Variants in COL24A1 observed in about 807,000 individuals in gnomAD.
COL24A1 encodes the protein collagen type XXIV alpha 1 chain, also known as collagen alpha-1(XXIV) chain.
In COL24A1, 224 loss-of-function variants were observed where a neutral mutation model predicts 253.9. The ratio of observed to expected loss-of-function variants is 0.88; its 90% confidence interval spans 0.79 to 0.99. The LOEUF is 0.99. Among genes scored for constraint, COL24A1 ranks in the 50% least tolerant of loss-of-function variants. The probability of loss-of-function intolerance (pLI) is 0.00; values close to 1 mark genes in which losing one functional copy is unlikely to be tolerated. For missense variants in COL24A1, 2,131 were observed against 2,068.5 expected, an observed-to-expected ratio of 1.03 and a Z score of -0.59; for synonymous variants, 685 against 673.7, an observed-to-expected ratio of 1.02 and a Z score of -0.26.
chr1:85,896,094 A>G, intron 29 of COL24A1, 29 bp from the exon 30 acceptor site: 1 of 1,606,064 alleles, frequency 6.2e-7, no homozygotes, highest in Non-Finnish European at 8.5e-7. Context: ...CAGGTGAGTT[A>G]GTAAGAATGT....
At chr1:85,787,399 T>C (rs750720568) in intron 47 of COL24A1, among the ~76,000 whole-genome samples, 1 of 152,088 alleles carries the variant, frequency 6.6e-6, no homozygotes, top group East Asian at 1.9e-4. Context: ...CCAGTGGGTG[T>C]TGTTCCCCTC....
chr1:85,842,278 G>A lies in COL24A1; in HGVS notation c.3516+62C>T, dbSNP rs1164554897. 53 of 1,358,588 alleles carry A rather than the reference G, an allele frequency of 3.9e-5. 1 individual carries two copies. The South Asian group carries it at 5.3e-4, about 14-fold the overall frequency. 84.2% of individuals were successfully genotyped at this position (1,358,588 alleles called of 1,614,324 possible). A position where few individuals can be genotyped will look rare whatever the true frequency, so the allele number is the denominator to read the frequency against. On this transcript the variant is annotated intron_variant, in intron 40 of 59. Transcript: ENST00000370571. ...GATTTCATCTTAATTTGAATATTTG[G>A]GATATCATCTTTAATAAAAATGTTT...
chr1:85,907,630 C>T (rs548697169), intron 27 of COL24A1, among the ~76,000 whole-genome samples: 18 of 151,852 alleles, frequency 1.2e-4, no homozygotes, highest in African/African-American at 4.1e-4. Flanking sequence ...TATTTCTTTA[C>T]TATTATTCTA....
intron 52 of COL24A1, among the ~76,000 whole-genome samples, chr1:85,778,792 T>C (rs981225174): frequency 1.3e-5 from 2 of 151,794 alleles, no homozygotes; most frequent in African/African-American, 4.8e-5. Flanking sequence ...TTAGTAGAGA[T>C]GAAGTTTCAC....
chr1:85,830,417 A>C (rs1675063288), intron 43 of COL24A1, among the ~76,000 whole-genome samples: 1 of 152,124 alleles, frequency 6.6e-6, no homozygotes, highest in Admixed American at 6.6e-5. Context: ...CTACAGAGGC[A>C]GGCAGGCCTC....
rs889743065 is a variant in COL24A1 at position 85,768,150 on chromosome 1, C to A, written c.4375-6584G>T. ...ATTTGAAGAGTATATGAAAGAATTT[C>A]CTAGGTTAAAAAAAGGCATATTCCT... On this transcript the variant is annotated intron_variant, in intron 53 of 59. Transcript: ENST00000370571. 3.3e-5 allele frequency among the ~76,000 whole-genome samples: 5 copies of A among 152,008 alleles called. No individual in the cohort carries two copies. The East Asian group carries it at 7.7e-4, about 24-fold the overall frequency.
At chr1:85,818,618 G>A (rs1038274661) in intron 45 of COL24A1, among the ~76,000 whole-genome samples, 6 of 152,108 alleles carry the variant, frequency 3.9e-5, no homozygotes, top group African/African-American at 1.2e-4. Flanking sequence ...TATTTCCCAC[G>A]GAACTGTTTG....
At chr1:86,024,555 T>A (rs1423297540) in intron 14 of COL24A1, among the ~76,000 whole-genome samples, 1 of 152,160 alleles carries the variant, frequency 6.6e-6, no homozygotes, top group Non-Finnish European at 1.5e-5. Context: ...ACAGCTAAGA[T>A]AAATTATTTC....
intron 35 of COL24A1, among the ~76,000 whole-genome samples, chr1:85,871,339 CTT>C (rs1680458417): frequency 6.6e-6 from 1 of 152,276 alleles, no homozygotes; most frequent in South Asian, 2.1e-4. Context: ...CTCCCTAACT[CTT>C]TTTATGAGGC....
At chr1:85,792,920 A>G (rs313732) in intron 47 of COL24A1, among the ~76,000 whole-genome samples, 51,502 of 151,848 alleles carry the variant, frequency 0.34, 10,007 homozygotes, top group East Asian at 0.57. Context: ...GATCATGATC[A>G]TAATATAAAG....
intron 19 of COL24A1, among the ~76,000 whole-genome samples, chr1:86,009,337 C>T (rs1696284599): frequency 6.6e-6 from 1 of 152,148 alleles, no homozygotes; most frequent in Non-Finnish European, 1.5e-5. Flanking sequence ...TCATGTGTCA[C>T]TTAATGATGG....
intron 47 of COL24A1, among the ~76,000 whole-genome samples, chr1:85,794,472 C>T (rs939259514): frequency 1.3e-5 from 2 of 152,098 alleles, no homozygotes; most frequent in Non-Finnish European, 2.9e-5. Context: ...ACTTGCAGTG[C>T]CATCAGATAT....
intron 19 of COL24A1, among the ~76,000 whole-genome samples, chr1:85,987,904 G>C (rs972561541): frequency 1.3e-5 from 2 of 151,886 alleles, no homozygotes; most frequent in Non-Finnish European, 2.9e-5. Flanking sequence ...CAGTTTAAGA[G>C]AGTAGAAGTC....
chr1:85,958,011 TCCA>T (rs966073601), intron 24 of COL24A1, among the ~76,000 whole-genome samples: 7 of 152,112 alleles, frequency 4.6e-5, no homozygotes, highest in Admixed American at 2.0e-4. Context: ...AACAATAACC[TCCA>T]CCACAACAGC....
intron 52 of COL24A1, among the ~76,000 whole-genome samples, chr1:85,778,092 G>A (rs114797369): frequency 0.016 from 2,408 of 149,312 alleles, 29 homozygotes; most frequent in South Asian, 0.029. Context: ...ATACATACAC[G>A]TATCCATAGC....
At chr1:85,778,325 A>G (rs1668806226) in intron 52 of COL24A1, among the ~76,000 whole-genome samples, 1 of 151,982 alleles carries the variant, frequency 6.6e-6, no homozygotes, top group South Asian at 2.1e-4. Flanking sequence ...GCTGGTCTAA[A>G]CTTCTGTGCT....
chr1:85,801,385 T>C (rs1373889366), intron 47 of COL24A1, among the ~76,000 whole-genome samples: 1 of 152,214 alleles, frequency 6.6e-6, no homozygotes, highest in African/African-American at 2.4e-5. Flanking sequence ...GATGCACCAC[T>C]AGGATATTGA....
intron 7 of COL24A1, among the ~76,000 whole-genome samples, chr1:86,065,154 G>A (rs1224573319): frequency 6.6e-6 from 1 of 152,092 alleles, no homozygotes; most frequent in African/African-American, 2.4e-5. Context: ...AGGGTAGGAG[G>A]CTCATAGGTT....
At chr1:85,989,587 C>T (rs1417044042) in intron 19 of COL24A1, among the ~76,000 whole-genome samples, 2 of 152,154 alleles carry the variant, frequency 1.3e-5, no homozygotes, top group African/African-American at 4.8e-5. Flanking sequence ...TCTGAGCATG[C>T]CACTTTGTTA....
Sources: gnomAD v4.1 joint callset for allele counts (sites outside exome capture counted in the v4.1 genomes callset) on GRCh38, gnomAD v4.1.1 for gene constraint, MANE v1.5 for transcripts, NCBI Gene and HGNC (gene_info 2026-07-23, HGNC 2026-07-21) for gene names.